The following ATP8A2 variants were observed in gnomAD, a reference collection of about 807,000 sequenced individuals.
ATP8A2 encodes phospholipid-transporting ATPase IB.
A neutral mutation model predicts 165.6 loss-of-function variants in ATP8A2; 100 were observed. The observed-to-expected ratio is 0.60, with a 90% CI of 0.51 to 0.71. ATP8A2 has a LOEUF of 0.71. Among genes scored for constraint, ATP8A2 ranks in the 30% least tolerant of loss-of-function variants. The pLI, the probability that ATP8A2 is intolerant of heterozygous loss-of-function variation, is 0.00. For missense variants in ATP8A2, 1,227 were observed against 1,479.5 expected, an observed-to-expected ratio of 0.83 and a Z score of 2.80; for synonymous variants, 543 against 548.8, an observed-to-expected ratio of 0.99 and a Z score of 0.15.
intron 24 of ATP8A2, among the ~76,000 whole-genome samples, chr13:25,633,509 G>A (rs924885126): frequency 1.4e-4 from 21 of 151,980 alleles, no homozygotes; most frequent in African/African-American, 5.1e-4. Context: ...CCTGTACGTG[G>A]GCATTAAAAT....
intron 33 of ATP8A2, among the ~76,000 whole-genome samples, chr13:25,879,441 G>A (rs1356621576): frequency 1.3e-5 from 2 of 152,224 alleles, no homozygotes; most frequent in African/African-American, 2.4e-5. Flanking sequence ...AGAATGCATA[G>A]ACAGTTATCA....
rs958175291 is a variant in ATP8A2 at position 25,595,335 on chromosome 13, A to G, written c.2211+5636A>G. 4.6e-5 allele frequency among the ~76,000 whole-genome samples: 7 copies of G among 152,320 alleles called. No individual in the cohort carries two copies. In the East Asian group the frequency reaches 9.7e-4, roughly 21 times the overall value. On this transcript the variant is annotated intron_variant, in intron 24 of 36. Coordinates refer to ENST00000381655, the MANE Select transcript of ATP8A2 (RefSeq NM_016529.6). The stretch of plus-strand genomic sequence containing the variant: ...ATGTACAGTCACTGATGGAATGGCT[A>G]CTGTGGAATGAAAATGGAATCAGAT...
chr13:25,416,586 A>G (rs895933012), intron 1 of ATP8A2, among the ~76,000 whole-genome samples: 10 of 152,208 alleles, frequency 6.6e-5, no homozygotes, highest in Admixed American at 4.6e-4. Context: ...TCTGGACAGC[A>G]TTAATGTCTG....
intron 24 of ATP8A2, among the ~76,000 whole-genome samples, chr13:25,601,516 C>G (rs2040386061): frequency 6.6e-6 from 1 of 152,160 alleles, no homozygotes; most frequent in Non-Finnish European, 1.5e-5. Context: ...GTTCTGTCAC[C>G]CATGCTGGCG....
At chr13:26,006,182 T>C (rs1233447511) in intron 35 of ATP8A2, among the ~76,000 whole-genome samples, 3 of 152,066 alleles carry the variant, frequency 2.0e-5, no homozygotes, top group Non-Finnish European at 4.4e-5. Flanking sequence ...GGGATGTCTT[T>C]AATGTTTTCA....
intron 1 of ATP8A2, among the ~76,000 whole-genome samples, chr13:25,414,574 G>A (rs1054442917): frequency 6.6e-6 from 1 of 152,218 alleles, no homozygotes; most frequent in East Asian, 1.9e-4. Context: ...TAAGTTGGCT[G>A]TTCTCAACTA....
intron 3 of ATP8A2, 113 bp downstream of exon 3, chr13:25,530,211 C>T: frequency 1.5e-6 from 1 of 681,622 alleles, no homozygotes; most frequent in South Asian, 1.9e-5. Flanking sequence ...AGTTTGTTTC[C>T]CTCCTCTAGT....
intron 3 of ATP8A2, among the ~76,000 whole-genome samples, 190 bp from the exon 4 acceptor site, chr13:25,530,372 C>A (rs2037992221): frequency 6.6e-6 from 1 of 152,104 alleles, no homozygotes; most frequent in Admixed American, 6.6e-5. Context: ...AACACATAAC[C>A]AATGTTGGAT....
At chr13:25,559,137 C>G (rs186088934) in intron 14 of ATP8A2, 76 bp downstream of exon 14, 1 of 999,320 alleles carries the variant, frequency 1.0e-6, no homozygotes, top group East Asian at 2.4e-5. Context: ...GCTACTTAGT[C>G]AAATATCTTG....
At chr13:25,732,747 T>C (rs1749099947) in intron 25 of ATP8A2, among the ~76,000 whole-genome samples, 1 of 152,082 alleles carries the variant, frequency 6.6e-6, no homozygotes, top group Admixed American at 6.5e-5. Flanking sequence ...GGGATAACAA[T>C]TAGGAAAAAT....
chr13:25,522,057 G>A (rs1005397570), intron 2 of ATP8A2, among the ~76,000 whole-genome samples: 1 of 152,242 alleles, frequency 6.6e-6, no homozygotes, highest in East Asian at 1.9e-4. Flanking sequence ...CATTTGCTTT[G>A]GGTAGTGTTG....
At chr13:25,607,251 C>G (rs1358941912) in intron 24 of ATP8A2, among the ~76,000 whole-genome samples, 2 of 152,178 alleles carry the variant, frequency 1.3e-5, no homozygotes, top group Admixed American at 1.3e-4. Context: ...TTGGGGACTG[C>G]TGCCCTAGGA....
At chr13:25,925,912 G>T (rs940956225) in intron 33 of ATP8A2, among the ~76,000 whole-genome samples, 2 of 151,948 alleles carry the variant, frequency 1.3e-5, no homozygotes, top group African/African-American at 4.8e-5. Flanking sequence ...TTTTAGTAGA[G>T]ACGAGGTTTC....
intron 2 of ATP8A2, among the ~76,000 whole-genome samples, chr13:25,490,726 GTTTTT>G (rs61044184): frequency 4.1e-4 from 62 of 150,006 alleles, no homozygotes; most frequent in African/African-American, 1.0e-3. Context: ...TAGTTTTTTT[GTTTTT>G]TTTTTGTTTG....
chr13:25,905,324 T>C (rs534760997), intron 33 of ATP8A2, among the ~76,000 whole-genome samples: 1 of 152,166 alleles, frequency 6.6e-6, no homozygotes, highest in African/African-American at 2.4e-5. Flanking sequence ...GTTTTTCTCT[T>C]CCTCTCCGAA....
intron 15 of ATP8A2, 72 bp downstream of exon 15, chr13:25,559,837 T>G (rs1293582460): frequency 8.4e-7 from 1 of 1,193,728 alleles, no homozygotes; most frequent in Non-Finnish European, 1.2e-6. Context: ...TATTATTCAT[T>G]TACATTTTTA....
chr13:25,701,355 T>C (rs961038359), intron 25 of ATP8A2, among the ~76,000 whole-genome samples: 14 of 152,222 alleles, frequency 9.2e-5, no homozygotes, highest in African/African-American at 3.4e-4. Flanking sequence ...GAAATACTTT[T>C]ATTCATAAAT....
intron 33 of ATP8A2, among the ~76,000 whole-genome samples, chr13:25,928,701 C>G (rs1169029710): frequency 1.3e-5 from 2 of 152,148 alleles, no homozygotes; most frequent in African/African-American, 2.4e-5. Context: ...GATGACATTC[C>G]CAGACTCACC....
At chr13:25,703,299 C>G (rs1555252143) in intron 25 of ATP8A2, among the ~76,000 whole-genome samples, 1 of 152,152 alleles carries the variant, frequency 6.6e-6, no homozygotes, top group Non-Finnish European at 1.5e-5. Flanking sequence ...AGGATGGTCT[C>G]GATCTCTTGA....
Sources: allele counts gnomAD v4.1 joint callset (sites outside exome capture counted in the v4.1 genomes callset), GRCh38; gene constraint gnomAD v4.1.1; transcripts MANE v1.5; gene names NCBI Gene and HGNC (gene_info 2026-07-23, HGNC 2026-07-21).